Variants in PLCB3 observed in about 807,000 individuals in gnomAD.
PLCB3 encodes 1-phosphatidylinositol 4,5-bisphosphate phosphodiesterase beta-3.
A neutral mutation model predicts 152.1 loss-of-function variants in PLCB3; 54 were observed. The observed-to-expected ratio is 0.36, with a 90% CI of 0.29 to 0.45. PLCB3 has a LOEUF of 0.45. PLCB3 is among the 20% of genes least tolerant of loss of function. The probability of loss-of-function intolerance (pLI) is 1.00; values close to 1 mark genes in which losing one functional copy is unlikely to be tolerated. For missense variants in PLCB3, 1,248 were observed against 1,687.5 expected (o/e 0.74, Z 4.56); for synonymous variants, 717 against 698.7 (o/e 1.03, Z -0.41).
In PLCB3 at chr11:64,267,452, G is replaced by A; in HGVS notation, c.3601G>A (p.Asp1201Asn). 1.3e-6 allele frequency: 2 copies of A among 1,555,342 alleles called. No homozygotes were observed. The highest frequency in any genetic ancestry group is 1.7e-6 in the Non-Finnish European group (2 of 1,153,472). Residue 1201 changes from aspartate to asparagine, a missense_variant, in exon 31 of 31, where the codon GAC becomes AAC. By Grantham distance (23) the Asp-to-Asn change is conservative (BLOSUM62 1). This residue lies in a region of PLCB3 where 477 missense variants were observed against 489.6 expected (regional missense o/e 0.97). Coordinates refer to ENST00000279230, the MANE Select transcript of PLCB3 (RefSeq NM_000932.5). The surrounding 1 kb of genome is among the most constrained non-coding windows in gnomAD (Gnocchi z 5.2). ...GGGCGAGATGCCGGAGGGGCTGGGG[G>A]ACGGGCCTCTGGTGGCCTGTGCCAG... The part of the protein sequence containing the change: ...LLGEMPEGLG[D>N]GPLVACASNG...
At chr11:64,260,854 A>G (rs765934498) in intron 14 of PLCB3, among the ~76,000 whole-genome samples, 4 of 151,940 alleles carry the variant, frequency 2.6e-5, no homozygotes, top group Admixed American at 6.6e-5. Context: ...GATGGACTAC[A>G]TATTAGATAA....
chr11:64,255,633 C>CT lies in PLCB3; in HGVS notation c.597+17_597+18insT. 1.7e-6 allele frequency: 2 copies of CT among 1,168,724 alleles called. No homozygotes were observed. Among genetic ancestry groups the CT allele is most frequent in the Non-Finnish European group, 2.5e-6 (2 of 813,354 alleles). 72.4% of individuals were successfully genotyped at this position (1,168,724 alleles called of 1,614,324 possible). A position where few individuals can be genotyped will look rare whatever the true frequency, so the allele number is the denominator to read the frequency against. On this transcript the variant is annotated intron_variant, in intron 7 of 30. Coordinates refer to ENST00000279230, the MANE Select transcript of PLCB3 (RefSeq NM_000932.5). This position sits in a 1 kb window ranked among gnomAD's most constrained non-coding sequence, Gnocchi z 6.8. ...TTCAACCGGGTGTGTGGGGTGGGGA[C>CT]AGGGGCGGGGTGGGGTGTCACGGTG...
chr11:64,254,550 G>T (rs1368520096), intron 2 of PLCB3, 58 bp downstream of exon 2: 2 of 1,547,912 alleles, frequency 1.3e-6, no homozygotes, highest in Non-Finnish European at 1.8e-6. Flanking sequence ...CCAGACCCCT[G>T]CCCTGCCCGT....
chr11:64,255,156 C>A lies in PLCB3; in HGVS notation c.388-78C>A. On this transcript the variant is annotated intron_variant, in intron 4 of 30. Transcript: ENST00000279230. This position sits in a 1 kb window ranked among gnomAD's most constrained non-coding sequence, Gnocchi z 6.8. Reference sequence around the variant, plus strand: ...TCTGTGACCTACTGTGTACCAGAGGCAGTTGTGGACCTGGGTTGTGGCTGG... The same window carrying A: ...TCTGTGACCTACTGTGTACCAGAGGAAGTTGTGGACCTGGGTTGTGGCTGG... The A allele has an allele frequency of 6.6e-7, 1 of 1,512,982 alleles. No homozygotes were observed. Among genetic ancestry groups the A allele is most frequent in the Non-Finnish European group, 9.2e-7 (1 of 1,089,568 alleles). The allele number at this position is 1,512,982 out of a possible 1,614,324, so 93.7% of individuals were successfully genotyped here.
chr11:64,260,355 G>C (rs2031786900), intron 14 of PLCB3, 121 bp downstream of exon 14: 1 of 696,344 alleles, frequency 1.4e-6, no homozygotes, highest in East Asian at 2.7e-5. Flanking sequence ...GTGGGTGTGA[G>C]TGAAGGTGGG....
chr11:64,254,505 G>A lies in PLCB3; in HGVS notation c.177+13G>A, dbSNP rs1259653286. On this transcript the variant is annotated intron_variant, in intron 2 of 30. Transcript: ENST00000279230. ...GGGCCCCAACATGGTGAGGGTGGGC[G>A]CTGGTGCAGCTCGCTCAGGCCAAGG... The A allele has an allele frequency of 6.2e-6, 10 of 1,611,278 alleles. No individual in the cohort carries two copies. Among genetic ancestry groups the A allele is most frequent in the South Asian group, 2.2e-5 (2 of 91,042 alleles).
chr11:64,265,183 G>A lies in PLCB3; in HGVS notation c.2807-9G>A. ...TCCTCCAGCTCCTCACAGGGCCTCT[G>A]CTCCCCAGGGCAGCGTGATGATCTC... On this transcript the variant is annotated splice_polypyrimidine_tract_variant and intron_variant, in intron 23 of 30. Transcript: ENST00000279230. 6.3e-7 allele frequency: 1 copy of A among 1,591,776 alleles called. No individual in the cohort carries two copies. Among genetic ancestry groups the A allele is most frequent in the Non-Finnish European group, 8.6e-7 (1 of 1,167,866 alleles).
Position 64,255,359 on chromosome 11 carries a change from C to T in PLCB3, c.468-37C>T, listed in dbSNP as rs776415389. ...GGGGGAGCCGGGGGGTTCACGTGGC[C>T]GTTTTCAGGGTGTGACCTCTTCATC... On this transcript the variant is annotated intron_variant, in intron 5 of 30. Coordinates refer to ENST00000279230, the MANE Select transcript of PLCB3 (RefSeq NM_000932.5). The surrounding 1 kb of genome is among the most constrained non-coding windows in gnomAD (Gnocchi z 6.8). 5.2e-5 allele frequency: 84 copies of T among 1,613,734 alleles called. No individual in the cohort carries two copies. Among genetic ancestry groups the T allele is most frequent in the Non-Finnish European group, 6.7e-5 (79 of 1,179,860 alleles).
chr11:64,269,080 AAGTCAGTTCCC>A (rs1191577933), downstream of PLCB3: 2 of 152,404 alleles, frequency 1.3e-5, no homozygotes, highest in Admixed American at 1.3e-4. Context: ...GACACACTCC[AAGTCAGTTCCC>A]AGGTCCTCAA....
Position 64,266,621 on chromosome 11 carries a change from C to G in PLCB3, c.3414+69C>G, listed in dbSNP as rs1411273777. 3 of 1,480,772 alleles carry G rather than the reference C, an allele frequency of 2.0e-6. No individual in the cohort carries two copies. In the East Asian group the frequency reaches 6.8e-5, roughly 34 times the overall value. 91.7% of individuals were successfully genotyped at this position (1,480,772 alleles called of 1,614,324 possible). A position where few individuals can be genotyped will look rare whatever the true frequency, so the allele number is the denominator to read the frequency against. ...CACTCATCAGACACCCATCTCCATGCCTGGCCTGGTGCCACGTTGCCCTCA... is the reference window on the plus strand; with the variant it reads ...CACTCATCAGACACCCATCTCCATGGCTGGCCTGGTGCCACGTTGCCCTCA... On this transcript the variant is annotated intron_variant, in intron 29 of 30. Transcript: ENST00000279230. This position sits in a 1 kb window ranked among gnomAD's most constrained non-coding sequence, Gnocchi z 4.9.
chr11:64,257,532 G>A (rs1221918478), intron 10 of PLCB3, among the ~76,000 whole-genome samples: 1 of 151,936 alleles, frequency 6.6e-6, no homozygotes, highest in East Asian at 1.9e-4. Flanking sequence ...TGGGAGTATC[G>A]CTTGGTTCTG....
intron 1 of PLCB3, among the ~76,000 whole-genome samples, chr11:64,253,008 T>G (rs568701284): frequency 3.5e-4 from 53 of 152,286 alleles, no homozygotes; most frequent in South Asian, 2.5e-3. Flanking sequence ...GGGCTGGGTG[T>G]CAGCACACTG....
intron 23 of PLCB3, 28 bp from the exon 24 acceptor site, chr11:64,265,164 A>G: frequency 1.9e-6 from 3 of 1,578,352 alleles, no homozygotes; most frequent in Non-Finnish European, 2.6e-6. Flanking sequence ...CCTGTCCTCC[A>G]GCTCCTCACA....
At position 64,262,035 on chromosome 11, in the gene PLCB3, A is replaced by G. The variant is rs1332868773; in HGVS notation, c.1997A>G (p.Asn666Ser). ...AACTACATGCCCCAGCTCTTCTGGAACGTAGGGTGCCAGCTTGTTGCGCTC... is the reference window on the plus strand; with the variant it reads ...AACTACATGCCCCAGCTCTTCTGGAGCGTAGGGTGCCAGCTTGTTGCGCTC... ...SSNYMPQLFW[N>S]VGCQLVALNF... Residue 666 changes from asparagine to serine, a missense_variant, in exon 17 of 31, where the codon AAC becomes AGC. Asn to Ser is a conservative substitution (Grantham distance 46, BLOSUM62 1). This residue lies in a region of PLCB3 where 244 missense variants were observed against 424.4 expected (regional missense o/e 0.57). Transcript: ENST00000279230. 1.2e-6 allele frequency: 2 copies of G among 1,614,062 alleles called. No individual in the cohort carries two copies. The highest frequency in any genetic ancestry group is 2.2e-5 in the East Asian group (1 of 44,904).
intron 2 of PLCB3, 51 bp downstream of exon 2, chr11:64,254,543 G>A: frequency 6.4e-7 from 1 of 1,567,520 alleles, no homozygotes. Flanking sequence ...CCCTGTCCCA[G>A]ACCCCTGCCC....
Position 64,266,439 on chromosome 11 carries a change from T to C in PLCB3, c.3356+35T>C. 2 of 1,601,808 alleles carry C rather than the reference T, an allele frequency of 1.2e-6. No homozygotes were observed. Among genetic ancestry groups the C allele is most frequent in the Non-Finnish European group, 1.7e-6 (2 of 1,169,144 alleles). ...CCGGGACCGGGGGCCATCTGGGTAC[T>C]GGGGAGGCAGGGCAGGTGTCTGGGC... On this transcript the variant is annotated intron_variant, in intron 28 of 30. Coordinates refer to ENST00000279230, the MANE Select transcript of PLCB3 (RefSeq NM_000932.5). The surrounding 1 kb of genome is among the most constrained non-coding windows in gnomAD (Gnocchi z 4.9).
At chr11:64,261,186 T>TC (rs1369841865) in intron 14 of PLCB3, among the ~76,000 whole-genome samples, 1 of 152,206 alleles carries the variant, frequency 6.6e-6, no homozygotes, top group Non-Finnish European at 1.5e-5. Flanking sequence ...GCGCCTGTAA[T>TC]CCCAGCTACT....
intron 16 of PLCB3, 135 bp from the exon 17 acceptor site, chr11:64,261,817 C>A: frequency 6.9e-7 from 1 of 1,450,746 alleles, no homozygotes; most frequent in Non-Finnish European, 9.6e-7. Context: ...CAGATCCAGG[C>A]AGTCTCAGGG....
In PLCB3 at chr11:64,251,746, G is replaced by C. The variant is rs189178959; in HGVS notation, c.97G>C (p.Glu33Gln). Residue 33 changes from glutamate to glutamine, a missense_variant and splice_region_variant, in exon 1 of 31, where the codon GAG becomes CAG. Coordinates refer to ENST00000279230, the MANE Select transcript of PLCB3 (RefSeq NM_000932.5). ...CGGGAGTAAGTTCATCAAATGGGAC[G>C]AGGTAAGCGCGCGGGCCCCTGCTCC... Reference protein sequence around the residue: ...RRGSKFIKWDEETSSRNLVTL... With the variant: ...RRGSKFIKWDQETSSRNLVTL... The C allele has an allele frequency of 2.7e-5, 39 of 1,449,880 alleles. 1 individual carries two copies. The highest frequency in any genetic ancestry group is 3.6e-4 in the Middle Eastern group (2 of 5,578). The allele number at this position is 1,449,880 out of a possible 1,614,324, so 89.8% of individuals were successfully genotyped here. A position where few individuals can be genotyped will look rare whatever the true frequency, so the allele number is the denominator to read the frequency against.
Sources: gnomAD v4.1 joint callset for allele counts (sites outside exome capture counted in the v4.1 genomes callset) on GRCh38, gnomAD v4.1.1 for gene constraint, gnomAD v4.1.1 regional missense constraint, Gnocchi (gnomAD v3.1) non-coding constraint, MANE v1.5 for transcripts, NCBI Gene and HGNC (gene_info 2026-07-23, HGNC 2026-07-21) for gene names.